The following CLEC9A variants were observed in gnomAD, a reference collection of about 807,000 sequenced individuals.
CLEC9A encodes C-type lectin domain family 9 member A.
In CLEC9A, 24 loss-of-function variants were observed where a neutral mutation model predicts 30.0. The ratio of observed to expected loss-of-function variants is 0.80; its 90% CI spans 0.58 to 1.13. CLEC9A has a LOEUF of 1.13. Ranked by LOEUF, CLEC9A falls within the 50% of genes most tolerant of loss-of-function variation. The pLI is 0.00. For synonymous variants in CLEC9A, 111 were observed against 96.8 expected (o/e 1.15, Z -0.86); for missense variants, 251 against 280.9 (o/e 0.89, Z 0.76).
intron 1 of CLEC9A, chr12:10,041,097 T>C (rs1447650854): frequency 6.4e-6 from 1 of 156,440 alleles, no homozygotes; most frequent in Non-Finnish European, 1.4e-5. Context: ...ACAAAAAAAA[T>C]TAGCCAGACA....
chr12:10,045,696 A>T (rs1255442438), intron 2 of CLEC9A: 1 of 224,098 alleles, frequency 4.5e-6, no homozygotes, highest in Non-Finnish European at 9.6e-6. Context: ...TGAATGAAGA[A>T]ATCAATAGCC....
intron 2 of CLEC9A, among the ~76,000 whole-genome samples, chr12:10,042,696 G>C (rs966351381): frequency 1.3e-5 from 2 of 152,128 alleles, no homozygotes; most frequent in African/African-American, 2.4e-5. Flanking sequence ...AACCAGGAAA[G>C]GTAGATGTAT....
intron 1 of CLEC9A, among the ~76,000 whole-genome samples, chr12:10,031,296 C>T (rs1406676097): frequency 1.3e-5 from 2 of 152,228 alleles, no homozygotes; most frequent in African/African-American, 4.8e-5. Flanking sequence ...AGTAGACAGC[C>T]TCTGTAAATC....
At chr12:10,032,389 C>CT (rs10647036) in intron 1 of CLEC9A, among the ~76,000 whole-genome samples, 17,744 of 117,006 alleles carry the variant, frequency 0.15, 2,334 homozygotes, top group East Asian at 0.4. Flanking sequence ...TTAGGGATTT[C>CT]TTTTTTTTTT....
At chr12:10,031,100 G>C (rs1026934781) in intron 1 of CLEC9A, 128 bp downstream of exon 1, 5 of 152,210 alleles carry the variant, frequency 3.3e-5, no homozygotes, top group African/African-American at 1.2e-4. Flanking sequence ...TTCTAGGTTA[G>C]GAAAGATTCT....
At chr12:10,056,235 C>A (rs1444263020) in intron 5 of CLEC9A, among the ~76,000 whole-genome samples, 1 of 151,846 alleles carries the variant, frequency 6.6e-6, no homozygotes, top group Non-Finnish European at 1.5e-5. Flanking sequence ...AACTGTGACC[C>A]AGCAGTACTA....
At chr12:10,060,831 TTTATC>T (rs1865990255) in intron 5 of CLEC9A, 1 of 257,270 alleles carries the variant, frequency 3.9e-6, no homozygotes, top group Non-Finnish European at 7.4e-6. Context: ...TTCTTTTTGT[TTTATC>T]TTATGTGTAA....
At chr12:10,048,658 A>G (rs1042826309) in intron 2 of CLEC9A, among the ~76,000 whole-genome samples, 1 of 152,206 alleles carries the variant, frequency 6.6e-6, no homozygotes, top group East Asian at 1.9e-4. Flanking sequence ...GCAGCTCCTC[A>G]TCTGTTCAAG....
chr12:10,054,644 C>T (rs1284689220), intron 5 of CLEC9A, among the ~76,000 whole-genome samples: 1 of 152,160 alleles, frequency 6.6e-6, no homozygotes, highest in Non-Finnish European at 1.5e-5. Context: ...CATGCTAAAG[C>T]ATGCAATTTG....
At chr12:10,061,306 A>G (rs769481548) in intron 6 of CLEC9A, 33 bp downstream of exon 6, 1 of 1,568,374 alleles carries the variant, frequency 6.4e-7, no homozygotes, top group South Asian at 1.2e-5. Context: ...CACTGTATAC[A>G]TCTAAATATA....
At chr12:10,032,046 CAAT>C (rs1445834717) in intron 1 of CLEC9A, among the ~76,000 whole-genome samples, 2 of 152,082 alleles carry the variant, frequency 1.3e-5, no homozygotes, top group African/African-American at 4.8e-5. Flanking sequence ...ATTAAAACAA[CAAT>C]GAGAAACCAC....
intron 5 of CLEC9A, among the ~76,000 whole-genome samples, chr12:10,058,647 T>G (rs1349809794): frequency 1.3e-5 from 2 of 152,210 alleles, no homozygotes; most frequent in African/African-American, 2.4e-5. Flanking sequence ...TGGGTTCAAG[T>G]GCCTCTCCTG....
At chr12:10,064,659 G>T in intron 7 of CLEC9A, 73 bp from the exon 8 acceptor site, 1 of 1,477,626 alleles carries the variant, frequency 6.8e-7, no homozygotes, top group Non-Finnish European at 9.1e-7. Flanking sequence ...TAGGCAAAAT[G>T]TCACACTTTA....
intron 2 of CLEC9A, among the ~76,000 whole-genome samples, chr12:10,049,164 T>C (rs1865872649): frequency 6.6e-6 from 1 of 152,122 alleles, no homozygotes; most frequent in Non-Finnish European, 1.5e-5. Context: ...GGTTTTTTTT[T>C]CTGAGCAGTA....
At chr12:10,063,260 A>C in intron 7 of CLEC9A, 54 bp downstream of exon 7, 1 of 1,426,852 alleles carries the variant, frequency 7.0e-7, no homozygotes, top group Non-Finnish European at 9.2e-7. Flanking sequence ...TTTACTTATT[A>C]AAAGAAATCC....
rs1244503472 is a variant in CLEC9A, at chr12:10,034,932, C to T, written c.-318+3960C>T. 2.0e-5 allele frequency among the ~76,000 whole-genome samples: 3 copies of T among 152,184 alleles called. No individual in the cohort carries two copies. The South Asian group carries it at 6.2e-4, about 32-fold the overall frequency. On this transcript the variant is annotated intron_variant, in intron 1 of 8. Coordinates refer to ENST00000355819, the MANE Select transcript of CLEC9A (RefSeq NM_207345.4). ...GCTTTCTGCATCCCAGGGTTCTTAC[C>T]TTGGTGTACTGGAAGAATCAGATCA...
At chr12:10,050,814 C>T (rs1314321415) in intron 2 of CLEC9A, among the ~76,000 whole-genome samples, 1 of 152,160 alleles carries the variant, frequency 6.6e-6, no homozygotes, top group Non-Finnish European at 1.5e-5. Context: ...CTCTGTTTCT[C>T]CTCAAGATAG....
At chr12:10,053,271 G>T (rs546760689) in intron 4 of CLEC9A, among the ~76,000 whole-genome samples, 1 of 152,122 alleles carries the variant, frequency 6.6e-6, no homozygotes, top group South Asian at 2.1e-4. Flanking sequence ...TTAACAGAAC[G>T]TAAATTTATT....
intron 1 of CLEC9A, among the ~76,000 whole-genome samples, chr12:10,032,389 CTTTTT>C (rs10647036): frequency 8.5e-6 from 1 of 117,252 alleles, no homozygotes; most frequent in South Asian, 2.7e-4. Flanking sequence ...TTAGGGATTT[CTTTTT>C]TTTTTTTTTT....
Sources: allele counts gnomAD v4.1 joint callset (sites outside exome capture counted in the v4.1 genomes callset), GRCh38; gene constraint gnomAD v4.1.1; transcripts MANE v1.5; gene names NCBI Gene and HGNC (gene_info 2026-07-23, HGNC 2026-07-21).